ABI3BP: variants seen among roughly 807,000 people sequenced by gnomAD.
ABI3BP encodes ABI family member 3 binding protein.
ABI3BP carries 216 observed loss-of-function variants against 268.6 expected under a neutral mutation model. That is an observed-to-expected ratio of 0.80 (90% CI 0.72 to 0.90). The LOEUF (loss-of-function observed/expected upper bound fraction) is 0.90. ABI3BP is among the 40% of genes least tolerant of loss of function. The pLI, the probability that ABI3BP is intolerant of heterozygous loss-of-function variation, is 0.00. For missense variants in ABI3BP, 2,090 were observed against 2,182.4 expected (o/e 0.96, Z 0.84); for synonymous variants, 730 against 730.0 (o/e 1.00, Z 0.00).
chr3:100,901,850 A>G (rs913558650), intron 3 of ABI3BP, among the ~76,000 whole-genome samples: 5 of 152,176 alleles, frequency 3.3e-5, no homozygotes, highest in African/African-American at 9.7e-5. Context: ...TAGAAAAAGC[A>G]TATTCACAGC....
Position 100,884,885 on chromosome 3 carries a change from G to A in ABI3BP, c.696+651C>T, listed in dbSNP as rs575601704. 1.4e-4 allele frequency among the ~76,000 whole-genome samples: 22 copies of A among 152,224 alleles called. No individual in the cohort carries two copies. The South Asian group carries it at 4.6e-3, about 32-fold the overall frequency. ...GATTTGAAATGCGAACATGTCTGTG[G>A]TGGCTCTAACAGTGACTTACAGTCA... On this transcript the variant is annotated intron_variant, in intron 6 of 67. Transcript: ENST00000471714.
At chr3:100,941,578 A>T (rs542671367) in intron 1 of ABI3BP, among the ~76,000 whole-genome samples, 6 of 152,232 alleles carry the variant, frequency 3.9e-5, no homozygotes, top group South Asian at 2.1e-4. Context: ...TAAAACCACC[A>T]GTTTCCACCT....
chr3:100,890,466 C>T (rs1209218904), intron 4 of ABI3BP, among the ~76,000 whole-genome samples: 1 of 152,006 alleles, frequency 6.6e-6, no homozygotes, highest in East Asian at 1.9e-4. Context: ...AATTGTATTC[C>T]ACTTCCTTAT....
chr3:100,932,085 G>T (rs9843102), intron 1 of ABI3BP, among the ~76,000 whole-genome samples: 1 of 150,974 alleles, frequency 6.6e-6, no homozygotes, highest in Non-Finnish European at 1.5e-5. Context: ...CAACAAAGCC[G>T]AAAAAAAACA....
intron 1 of ABI3BP, among the ~76,000 whole-genome samples, chr3:100,971,848 T>A (rs1029095139): frequency 6.6e-6 from 1 of 152,100 alleles, no homozygotes; most frequent in African/African-American, 2.4e-5. Flanking sequence ...AAGATCAGGA[T>A]CAGGAACAAG....
chr3:100,895,267 G>A (rs920706752), intron 4 of ABI3BP, among the ~76,000 whole-genome samples: 1 of 152,040 alleles, frequency 6.6e-6, no homozygotes, highest in Non-Finnish European at 1.5e-5. Flanking sequence ...TGTAAATGAA[G>A]CACATCTGCT....
chr3:100,874,205 G>A (rs1407004828), intron 9 of ABI3BP, among the ~76,000 whole-genome samples: 2 of 152,122 alleles, frequency 1.3e-5, no homozygotes, highest in South Asian at 2.1e-4. Context: ...GGGGGGTGGT[G>A]GGCAGCAGTC....
At chr3:100,847,850 A>G (rs1415949824) in intron 18 of ABI3BP, among the ~76,000 whole-genome samples, 177 bp from the exon 19 acceptor site, 1 of 152,206 alleles carries the variant, frequency 6.6e-6, no homozygotes, top group African/African-American at 2.4e-5. Flanking sequence ...CATCATACAA[A>G]ATTACATTTA....
chr3:100,984,518 T>C (rs1472622669), intron 1 of ABI3BP, among the ~76,000 whole-genome samples: 1 of 152,210 alleles, frequency 6.6e-6, no homozygotes, highest in Non-Finnish European at 1.5e-5. Flanking sequence ...ATGCCACATC[T>C]TCTAGCTCCT....
chr3:100,810,282 G>T, intron 49 of ABI3BP, 130 bp downstream of exon 49: 1 of 697,326 alleles, frequency 1.4e-6, no homozygotes, highest in South Asian at 2.2e-5. Context: ...CAGGACATCA[G>T]ACAGGTAGGA....
At position 100,832,315 on chromosome 3, in the gene ABI3BP, G is replaced by A; in HGVS notation, c.2350C>T (p.His784Tyr). 6.5e-7 allele frequency: 1 copy of A among 1,535,398 alleles called. No individual in the cohort carries two copies. Among genetic ancestry groups the A allele is most frequent in the Non-Finnish European group, 8.7e-7 (1 of 1,146,530 alleles). ...TTTTKRTRRP[H>Y]PKPKTTPHPE... ...TGGGGCGTGGTTTTAGGTTTGGGATGTGGACGACGGGTTCTTTTTGTTGTT... is the reference window on the plus strand; with the variant it reads ...TGGGGCGTGGTTTTAGGTTTGGGATATGGACGACGGGTTCTTTTTGTTGTT... The change falls in exon 31 of 68, where the codon CAT (histidine) becomes TAT (tyrosine). Residue 784 changes from histidine (H) to tyrosine (Y), a missense_variant. Physicochemically the swap from His to Tyr is moderately conservative, Grantham distance 83 (BLOSUM62 2). Coordinates refer to ENST00000471714, the MANE Select transcript of ABI3BP (RefSeq NM_001375547.2).
chr3:100,904,843 G>T (rs2052476559), intron 2 of ABI3BP, among the ~76,000 whole-genome samples: 2 of 152,222 alleles, frequency 1.3e-5, no homozygotes, highest in South Asian at 4.1e-4. Flanking sequence ...CATTATGGAA[G>T]TCAGTCTGGT....
chr3:100,901,632 G>A (rs1230545033), intron 3 of ABI3BP, among the ~76,000 whole-genome samples: 2 of 152,056 alleles, frequency 1.3e-5, no homozygotes, highest in African/African-American at 2.4e-5. Context: ...CGGGCCTGGT[G>A]GTGGGCGCCT....
chr3:100,908,071 G>A (rs1443246575), intron 2 of ABI3BP, among the ~76,000 whole-genome samples: 2 of 151,064 alleles, frequency 1.3e-5, no homozygotes, highest in Non-Finnish European at 2.9e-5. Context: ...AGCCGAGATC[G>A]TGCCACTGCA....
At chr3:100,759,356 A>AT (rs1476074586) in intron 63 of ABI3BP, among the ~76,000 whole-genome samples, 1 of 152,180 alleles carries the variant, frequency 6.6e-6, no homozygotes, top group East Asian at 1.9e-4. Flanking sequence ...ACACTGAAGG[A>AT]TTATGGTAAG....
chr3:100,810,288 T>C (rs545498943), intron 49 of ABI3BP, 124 bp downstream of exon 49: 443 of 732,684 alleles, frequency 6.0e-4, no homozygotes, highest in Non-Finnish European at 9.1e-4. Context: ...ATCAGACAGG[T>C]AGGATTACCC....
rs987154439 is a variant in ABI3BP at position 100,846,542 on chromosome 3, T to C, written c.1649-96A>G. 1.1e-5 allele frequency: 9 copies of C among 802,172 alleles called. No individual in the cohort carries two copies. The South Asian group carries it at 1.7e-4, about 15-fold the overall frequency. 49.7% of individuals were successfully genotyped at this position (802,172 alleles called of 1,614,324 possible). A position where few individuals can be genotyped will look rare whatever the true frequency, so the allele number is the denominator to read the frequency against. ...GGAAAACCTAGAAATAAACTATACATTAAATGGAATGAACTCATCGTCTTG... is the reference window on the plus strand; with the variant it reads ...GGAAAACCTAGAAATAAACTATACACTAAATGGAATGAACTCATCGTCTTG... On this transcript the variant is annotated intron_variant, in intron 19 of 67. Coordinates refer to ENST00000471714, the MANE Select transcript of ABI3BP (RefSeq NM_001375547.2).
At chr3:100,915,312 A>C (rs1436845899) in intron 2 of ABI3BP, among the ~76,000 whole-genome samples, 1 of 152,128 alleles carries the variant, frequency 6.6e-6, no homozygotes, top group Non-Finnish European at 1.5e-5. Flanking sequence ...CCATTTCTGC[A>C]CTGGGACATA....
At chr3:100,818,403 A>C in intron 41 of ABI3BP, 122 bp downstream of exon 41, 2 of 853,726 alleles carry the variant, frequency 2.3e-6, no homozygotes, top group Non-Finnish European at 3.6e-6. Flanking sequence ...TTTCAAGATA[A>C]AGACTATAAT....
Sources: gnomAD v4.1 joint callset for allele counts (sites outside exome capture counted in the v4.1 genomes callset) on GRCh38, gnomAD v4.1.1 for gene constraint, MANE v1.5 for transcripts, NCBI Gene and HGNC (gene_info 2026-07-23, HGNC 2026-07-21) for gene names.